SLMAP: variants seen among roughly 807,000 people sequenced by gnomAD.
SLMAP encodes sarcolemma associated protein, also known as sarcolemmal membrane-associated protein.
A neutral mutation model predicts 128.8 loss-of-function variants in SLMAP; 44 were observed. The observed-to-expected ratio is 0.34, with a 90% confidence interval of 0.27 to 0.44. SLMAP has a LOEUF of 0.44. Ranked by LOEUF, SLMAP falls within the 20% of genes least tolerant of loss-of-function variation. SLMAP has a pLI of 1.00. For missense variants in SLMAP, 787 were observed against 985.3 expected (o/e 0.80, Z 2.69); for synonymous variants, 327 against 348.8 (o/e 0.94, Z 0.70).
At chr3:57,879,891 AGTG>A (rs2095688620) in intron 14 of SLMAP, among the ~76,000 whole-genome samples, 1 of 151,840 alleles carries the variant, frequency 6.6e-6, no homozygotes, top group Admixed American at 6.6e-5. Flanking sequence ...TGGAGGTTGC[AGTG>A]AGCCAAGATC....
chr3:57,792,230 A>G (rs1197386532), intron 2 of SLMAP, among the ~76,000 whole-genome samples: 1 of 152,070 alleles, frequency 6.6e-6, no homozygotes, highest in Non-Finnish European at 1.5e-5. Context: ...TACTTTTTAT[A>G]TATAAATGCT....
At chr3:57,865,995 T>C (rs2095290687) in intron 13 of SLMAP, among the ~76,000 whole-genome samples, 1 of 152,230 alleles carries the variant, frequency 6.6e-6, no homozygotes, top group Non-Finnish European at 1.5e-5. Flanking sequence ...CGCTAGGTGC[T>C]TGGAGTACAG....
chr3:57,859,254 T>C (rs2094934589), intron 8 of SLMAP, among the ~76,000 whole-genome samples: 1 of 135,110 alleles, frequency 7.4e-6, no homozygotes, highest in South Asian at 2.4e-4. Flanking sequence ...CCGGTGGGGG[T>C]GGAGGTTGCA....
intron 6 of SLMAP, among the ~76,000 whole-genome samples, chr3:57,852,828 G>A (rs1159486358): frequency 6.6e-6 from 1 of 152,128 alleles, no homozygotes; most frequent in African/African-American, 2.4e-5. Context: ...TTCTTGTTCT[G>A]TGAATATCCC....
intron 2 of SLMAP, among the ~76,000 whole-genome samples, chr3:57,768,966 A>T (rs2080269166): frequency 6.6e-6 from 1 of 152,058 alleles, no homozygotes; most frequent in South Asian, 2.1e-4. Context: ...CAGTTGCGTG[A>T]GCCAATTCCA....
intron 2 of SLMAP, among the ~76,000 whole-genome samples, chr3:57,825,735 G>A (rs376162887): frequency 9.2e-5 from 14 of 152,060 alleles, no homozygotes; most frequent in African/African-American, 3.1e-4. Context: ...TGTGATTAAG[G>A]TCTGCTCTGC....
At chr3:57,773,035 A>G (rs751541062) in intron 2 of SLMAP, among the ~76,000 whole-genome samples, 1 of 152,200 alleles carries the variant, frequency 6.6e-6, no homozygotes, top group Non-Finnish European at 1.5e-5. Flanking sequence ...CTTAGCTTCA[A>G]AGGAAGCTAT....
chr3:57,765,094 G>T (rs1212193662), intron 2 of SLMAP, among the ~76,000 whole-genome samples: 1 of 152,216 alleles, frequency 6.6e-6, no homozygotes, highest in Admixed American at 6.5e-5. Context: ...GCAAATGCCT[G>T]TAATATCAGC....
chr3:57,906,929 G>C (rs2096583555), intron 17 of SLMAP, among the ~76,000 whole-genome samples: 1 of 151,698 alleles, frequency 6.6e-6, no homozygotes, highest in Non-Finnish European at 1.5e-5. Flanking sequence ...TTTAGGGGAA[G>C]GGGCATATTT....
At chr3:57,890,332 T>C in intron 15 of SLMAP, 1 of 409,052 alleles carries the variant, frequency 2.4e-6, no homozygotes, top group Non-Finnish European at 4.4e-6. Flanking sequence ...GTTTTTTGAA[T>C]GTTAGTACTT....
At chr3:57,811,093 A>G (rs1382211782) in intron 2 of SLMAP, among the ~76,000 whole-genome samples, 2 of 152,240 alleles carry the variant, frequency 1.3e-5, no homozygotes, top group Non-Finnish European at 2.9e-5. Context: ...TAAATGTAAC[A>G]TAAAATTTAT....
chr3:57,802,321 AGGCTG>A (rs1473188477), intron 2 of SLMAP, among the ~76,000 whole-genome samples: 1 of 151,432 alleles, frequency 6.6e-6, no homozygotes. Context: ...TTTTCTGCCC[AGGCTG>A]GAGTGCAGTG....
At chr3:57,773,816 C>T (rs1341068128) in intron 2 of SLMAP, among the ~76,000 whole-genome samples, 2 of 152,076 alleles carry the variant, frequency 1.3e-5, no homozygotes, top group Non-Finnish European at 2.9e-5. Context: ...AAACTACCTA[C>T]GTATTGGAAA....
At chr3:57,828,146 A>G (rs1369805485) in intron 2 of SLMAP, among the ~76,000 whole-genome samples, 2 of 152,072 alleles carry the variant, frequency 1.3e-5, no homozygotes, top group Non-Finnish European at 1.5e-5. Flanking sequence ...TTTAGTAGAG[A>G]TGGGGTTTCA....
intron 2 of SLMAP, among the ~76,000 whole-genome samples, chr3:57,778,918 C>T (rs1453433641): frequency 6.6e-6 from 1 of 152,080 alleles, no homozygotes; most frequent in East Asian, 1.9e-4. Context: ...TTCTGTATAT[C>T]TATTGACCCA....
intron 13 of SLMAP, among the ~76,000 whole-genome samples, chr3:57,867,056 T>C (rs1281028107): frequency 5.3e-5 from 8 of 151,912 alleles, no homozygotes; most frequent in Admixed American, 1.3e-4. Flanking sequence ...CACGCTACTG[T>C]AATCCCAGCT....
intron 2 of SLMAP, among the ~76,000 whole-genome samples, chr3:57,770,701 A>G (rs1319193081): frequency 6.6e-6 from 1 of 152,136 alleles, no homozygotes; most frequent in Non-Finnish European, 1.5e-5. Context: ...TAATAATCGT[A>G]TTTACTTCAT....
chr3:57,803,748 G>T (rs999116129), intron 2 of SLMAP, among the ~76,000 whole-genome samples: 4 of 152,136 alleles, frequency 2.6e-5, no homozygotes, highest in African/African-American at 9.7e-5. Flanking sequence ...CCAGAGAGCT[G>T]CATGCTTGCT....
intron 3 of SLMAP, among the ~76,000 whole-genome samples, chr3:57,834,027 T>A (rs1333197612): frequency 5.3e-5 from 8 of 152,142 alleles, no homozygotes; most frequent in Non-Finnish European, 1.0e-4. Context: ...CACTACTAGA[T>A]AACCCCTGGA....
Sources: gnomAD v4.1 joint callset for allele counts (sites outside exome capture counted in the v4.1 genomes callset) on GRCh38, gnomAD v4.1.1 for gene constraint, MANE v1.5 for transcripts, NCBI Gene and HGNC (gene_info 2026-07-23, HGNC 2026-07-21) for gene names.